GPC5: variants seen among roughly 807,000 people sequenced by gnomAD.
GPC5 encodes the protein glypican 5.
A neutral mutation model predicts 53.9 loss-of-function variants in GPC5; 47 were observed. That is an observed-to-expected ratio of 0.87 (90% CI 0.69 to 1.11). GPC5 has a LOEUF of 1.11. Ranked by LOEUF, GPC5 falls within the 50% of genes most tolerant of loss-of-function variation. The probability of loss-of-function intolerance (pLI) is 0.00; values close to 1 mark genes in which losing one functional copy is unlikely to be tolerated. For synonymous variants in GPC5, 286 were observed against 263.3 expected, an observed-to-expected ratio of 1.09 and a Z score of -0.84; for missense variants, 748 against 713.1, an observed-to-expected ratio of 1.05 and a Z score of -0.56.
intron 7 of GPC5, among the ~76,000 whole-genome samples, chr13:92,520,199 T>A (rs979788869): frequency 6.6e-6 from 1 of 151,976 alleles, no homozygotes; most frequent in Non-Finnish European, 1.5e-5. Flanking sequence ...CTACCAGAGG[T>A]ACAAGGAGGA....
At chr13:92,759,256 ATTGTT>A (rs1226277849) in intron 7 of GPC5, among the ~76,000 whole-genome samples, 1 of 150,760 alleles carries the variant, frequency 6.6e-6, no homozygotes, top group Non-Finnish European at 1.5e-5. Context: ...AAATTATTGG[ATTGTT>A]TTATCTATTT....
At chr13:92,042,551 A>G (rs2040950130) in intron 6 of GPC5, among the ~76,000 whole-genome samples, 1 of 152,234 alleles carries the variant, frequency 6.6e-6, no homozygotes, top group Non-Finnish European at 1.5e-5. Flanking sequence ...CACGGGGAAA[A>G]TAGACTTTGC....
intron 7 of GPC5, among the ~76,000 whole-genome samples, chr13:92,836,111 AC>A (rs1194525733): frequency 6.6e-6 from 1 of 151,968 alleles, no homozygotes; most frequent in Non-Finnish European, 1.5e-5. Flanking sequence ...TTCCAAAATT[AC>A]TTTTGTTTAT....
chr13:92,569,661 C>G (rs559131435), intron 7 of GPC5, among the ~76,000 whole-genome samples: 1 of 152,258 alleles, frequency 6.6e-6, no homozygotes, highest in South Asian at 2.1e-4. Flanking sequence ...ACCTTCTCCC[C>G]TAACAAAGCA....
At chr13:92,185,948 G>A (rs1593973678) in intron 7 of GPC5, among the ~76,000 whole-genome samples, 1 of 152,224 alleles carries the variant, frequency 6.6e-6, no homozygotes, top group Non-Finnish European at 1.5e-5. Flanking sequence ...TGCTAAGAGT[G>A]AGTCAATTAA....
At chr13:91,915,318 T>C (rs1274686245) in intron 6 of GPC5, among the ~76,000 whole-genome samples, 2 of 152,160 alleles carry the variant, frequency 1.3e-5, no homozygotes, top group Non-Finnish European at 2.9e-5. Flanking sequence ...GGTGGTATAA[T>C]GCACTGACTT....
intron 7 of GPC5, among the ~76,000 whole-genome samples, chr13:92,358,526 TG>T (rs2139277970): frequency 6.6e-6 from 1 of 151,796 alleles, no homozygotes; most frequent in Admixed American, 6.5e-5. Flanking sequence ...TGCACTACCC[TG>T]GTAAAAGTTC....
rs540328924 is a variant in GPC5, at chr13:92,584,175, G to T, written c.1562-282107G>T. ...CTTTGGAACTGGATAACAGGCAGGGGTTGGAACAGTTTGGAGAGCTCAGAA... is the reference window on the plus strand; with the variant it reads ...CTTTGGAACTGGATAACAGGCAGGGTTTGGAACAGTTTGGAGAGCTCAGAA... On this transcript the variant is annotated intron_variant, in intron 7 of 7. Coordinates refer to ENST00000377067, the MANE Select transcript of GPC5 (RefSeq NM_004466.6). Among the ~76,000 whole-genome samples the T allele has an allele frequency of 1.1e-4, 17 of 152,312 alleles. No individual in the cohort carries two copies. The East Asian group carries it at 2.3e-3, about 21-fold the overall frequency.
At chr13:91,480,289 T>G (rs1219862456) in intron 2 of GPC5, among the ~76,000 whole-genome samples, 1 of 152,236 alleles carries the variant, frequency 6.6e-6, no homozygotes, top group African/African-American at 2.4e-5. Context: ...CTAAAACAGA[T>G]GATTACTTTT....
At chr13:92,781,645 A>G (rs1876026471) in intron 7 of GPC5, among the ~76,000 whole-genome samples, 1 of 152,148 alleles carries the variant, frequency 6.6e-6, no homozygotes, top group African/African-American at 2.4e-5. Flanking sequence ...TCCTATTGCT[A>G]TTTATCAGTC....
intron 7 of GPC5, among the ~76,000 whole-genome samples, chr13:92,312,486 T>C (rs1275556020): frequency 3.9e-5 from 6 of 152,192 alleles, no homozygotes; most frequent in Non-Finnish European, 8.8e-5. Context: ...GAAAGGCATT[T>C]ATTTTCATTT....
chr13:92,162,817 T>G (rs903158597), intron 7 of GPC5, among the ~76,000 whole-genome samples: 2 of 152,078 alleles, frequency 1.3e-5, no homozygotes, highest in Admixed American at 1.3e-4. Flanking sequence ...ACTCAATACT[T>G]TTTTTCTGTG....
intron 7 of GPC5, among the ~76,000 whole-genome samples, chr13:92,170,231 A>T (rs1755058793): frequency 1.3e-5 from 2 of 151,830 alleles, no homozygotes; most frequent in African/African-American, 4.8e-5. Flanking sequence ...ATAATTTTGT[A>T]TAGAAAGTCT....
At chr13:92,831,817 CAAGT>C (rs1878053595) in intron 7 of GPC5, among the ~76,000 whole-genome samples, 1 of 151,990 alleles carries the variant, frequency 6.6e-6, no homozygotes, top group South Asian at 2.1e-4. Context: ...TCCATGTGGC[CAAGT>C]AAGGTGGTCA....
In GPC5 at chr13:91,770,761, T is replaced by A. The variant is rs558107569; in HGVS notation, c.1280+14341T>A. 4.0e-5 allele frequency among the ~76,000 whole-genome samples: 6 copies of A among 150,930 alleles called. No individual in the cohort carries two copies. In the South Asian group the frequency reaches 1.3e-3, roughly 32 times the overall value. On this transcript the variant is annotated intron_variant, in intron 5 of 7. Transcript: ENST00000377067. ...GTGTATGCATATGCATATTTCTTATTTCACACAAGCAAAGATTTATATAAT... is the reference window on the plus strand; with the variant it reads ...GTGTATGCATATGCATATTTCTTATATCACACAAGCAAAGATTTATATAAT...
intron 2 of GPC5, among the ~76,000 whole-genome samples, chr13:91,467,331 A>G (rs1292677481): frequency 6.6e-6 from 1 of 152,178 alleles, no homozygotes; most frequent in African/African-American, 2.4e-5. Context: ...TGGAGAGCTA[A>G]GTGATCCACG....
intron 2 of GPC5, among the ~76,000 whole-genome samples, chr13:91,524,474 A>G (rs1885991803): frequency 1.3e-5 from 2 of 152,284 alleles, no homozygotes; most frequent in Non-Finnish European, 1.5e-5. Flanking sequence ...ATAAATTTCC[A>G]CTGCCTACTA....
intron 7 of GPC5, among the ~76,000 whole-genome samples, chr13:92,424,465 TCTC>T (rs796632569): frequency 8.5e-5 from 13 of 152,172 alleles, no homozygotes; most frequent in African/African-American, 2.6e-4. Flanking sequence ...TTTTAAGTAT[TCTC>T]CTCTTTATTC....
intron 7 of GPC5, among the ~76,000 whole-genome samples, chr13:92,454,989 G>A (rs1265709201): frequency 6.6e-6 from 1 of 152,146 alleles, no homozygotes; most frequent in Non-Finnish European, 1.5e-5. Context: ...GAGATGAGCT[G>A]TATCTTTTTC....
Sources: allele counts gnomAD v4.1 joint callset (sites outside exome capture counted in the v4.1 genomes callset), GRCh38; gene constraint gnomAD v4.1.1; transcripts MANE v1.5; gene names NCBI Gene and HGNC (gene_info 2026-07-23, HGNC 2026-07-21).